C10orf62: variants seen among roughly 807,000 people sequenced by gnomAD.
C10orf62 encodes uncharacterized protein C10orf62.
For missense variants in C10orf62, 279 were observed against 281.9 expected (o/e 0.99, Z 0.07); for synonymous variants, 94 against 109.7 (o/e 0.86, Z 0.89).
In C10orf62 at chr10:97,590,815, A is replaced by G; in HGVS notation, c.*246A>G. On this transcript the variant is annotated 3_prime_UTR_variant, in exon 1 of 1. Coordinates refer to ENST00000370640, the MANE Select transcript of C10orf62 (RefSeq NM_001009997.3). ...AGGGAGAGCTGGGAGGACACAGCGC[A>G]GGTGAGATAGACCCTGAGGCCCCTG... 1 of 587,112 alleles carries G rather than the reference A, an allele frequency of 1.7e-6. No homozygotes were observed. The highest frequency in any genetic ancestry group is 3.1e-6 in the Non-Finnish European group (1 of 322,440). The allele number at this position is 587,112 out of a possible 1,614,324, so 36.4% of individuals were successfully genotyped here.
At position 97,589,794 on chromosome 10, in the gene C10orf62, T is replaced by C; in HGVS notation, c.-104T>C. 1 of 836,708 alleles carries C rather than the reference T, an allele frequency of 1.2e-6. No homozygotes were observed. The highest frequency in any genetic ancestry group is 2.4e-5 in the East Asian group (1 of 41,126). The allele number at this position is 836,708 out of a possible 1,614,324, so 51.8% of individuals were successfully genotyped here. A position where few individuals can be genotyped will look rare whatever the true frequency, so the allele number is the denominator to read the frequency against. ...AGATCACCCAGCGTGCTCTTAGCTC[T>C]GCCTGCCTGGTGTAGGGTCCTGGAG... On this transcript the variant is annotated 5_prime_UTR_variant, in exon 1 of 1. Coordinates refer to ENST00000370640, the MANE Select transcript of C10orf62 (RefSeq NM_001009997.3).
rs757009497 is a variant in C10orf62 at position 97,590,443 on chromosome 10, C to T, written c.546C>T (p.Phe182=). ...TAGAGATGAAGCTGCAAAAGAATTT[C>T]CTCACCCAGCGGGAAAACACCATAG... The part of the protein sequence containing the change: ...EEVEMKLQKN[F]LTQRENTIAG... Residue 182 remains phenylalanine (F), a synonymous_variant, in exon 1 of 1, where the codon TTC becomes TTT. Coordinates refer to ENST00000370640, the MANE Select transcript of C10orf62 (RefSeq NM_001009997.3). 6.2e-7 allele frequency: 1 copy of T among 1,613,978 alleles called. No homozygotes were observed. The highest frequency in any genetic ancestry group is 8.5e-7 in the Non-Finnish European group (1 of 1,180,038).
At position 97,590,381 on chromosome 10, in the gene C10orf62, G is replaced by T. The variant is rs774441181; in HGVS notation, c.484G>T (p.Asp162Tyr). 1 of 1,614,070 alleles carries T rather than the reference G, an allele frequency of 6.2e-7. No individual in the cohort carries two copies. Among genetic ancestry groups the T allele is most frequent in the Admixed American group, 1.7e-5 (1 of 60,018 alleles). ...YQHSGHLESKDINQEELRALE... is the reference protein window; with the variant it reads ...YQHSGHLESKYINQEELRALE... ...GCACTCAGGTCACCTAGAGTCCAAG[G>T]ACATCAACCAGGAGGAGCTGAGGGC... Residue 162 changes from aspartate to tyrosine, a missense_variant, in exon 1 of 1, where the codon GAC (aspartate) becomes TAC (tyrosine). By Grantham distance (160) the Asp-to-Tyr change is radical. Transcript: ENST00000370640.
chr10:97,590,274 C>T lies in C10orf62; in HGVS notation c.377C>T (p.Ala126Val). 1 of 1,613,742 alleles carries T rather than the reference C, an allele frequency of 6.2e-7. No individual in the cohort carries two copies. Among genetic ancestry groups the T allele is most frequent in the South Asian group, 1.1e-5 (1 of 91,084 alleles). The part of the protein sequence containing the change: ...APSTDEATWA[A>V]VAACTKEIDT... ...TCCACTGATGAGGCCACGTGGGCCGCTGTGGCTGCCTGCACCAAGGAGATT... is the reference window on the plus strand; with the variant it reads ...TCCACTGATGAGGCCACGTGGGCCGTTGTGGCTGCCTGCACCAAGGAGATT... Residue 126 changes from alanine (A) to valine (V), a missense_variant, in exon 1 of 1, where the codon GCT becomes GTT. Physicochemically the swap from Ala to Val is moderately conservative, Grantham distance 64. Transcript: ENST00000370640.
Position 97,590,770 on chromosome 10 carries a change from C to T in C10orf62, c.*201C>T. On this transcript the variant is annotated 3_prime_UTR_variant, in exon 1 of 1. Coordinates refer to ENST00000370640, the MANE Select transcript of C10orf62 (RefSeq NM_001009997.3). ...TAAACTCCATGAGTGGGGTCTGCCA[C>T]AGAAGATGGCCCCTGTTGGAGGGAG... The T allele has an allele frequency of 1.6e-6, 1 of 621,080 alleles. No homozygotes were observed. The highest frequency in any genetic ancestry group is 2.9e-6 in the Non-Finnish European group (1 of 345,204). The allele number at this position is 621,080 out of a possible 1,614,324, so 38.5% of individuals were successfully genotyped here. A position where few individuals can be genotyped will look rare whatever the true frequency, so the allele number is the denominator to read the frequency against.
Position 97,590,693 on chromosome 10 carries a change from C to T in C10orf62, c.*124C>T, listed in dbSNP as rs2041014925. On this transcript the variant is annotated 3_prime_UTR_variant, in exon 1 of 1. Transcript: ENST00000370640. Reference sequence around the variant, plus strand: ...CATCTATGCAGGCCAGGGTGAGATGCTGTGCCCAAATCCCTACTTTCTTAG... The same window carrying T: ...CATCTATGCAGGCCAGGGTGAGATGTTGTGCCCAAATCCCTACTTTCTTAG... The T allele has an allele frequency of 1.2e-5, 11 of 905,386 alleles. No individual in the cohort carries two copies. The highest frequency in any genetic ancestry group is 1.9e-5 in the Non-Finnish European group (11 of 589,152). The allele number at this position is 905,386 out of a possible 1,614,324, so 56.1% of individuals were successfully genotyped here.
chr10:97,590,469 C>T lies in C10orf62; in HGVS notation c.572C>T (p.Ala191Val). 2 of 1,613,676 alleles carry T rather than the reference C, an allele frequency of 1.2e-6. No individual in the cohort carries two copies. The highest frequency in any genetic ancestry group is 2.2e-5 in the South Asian group (2 of 91,062). The change falls in exon 1 of 1, where the codon GCT becomes GTT. Residue 191 changes from alanine to valine, a missense_variant. By Grantham distance (64) the Ala-to-Val change is moderately conservative. Coordinates refer to ENST00000370640, the MANE Select transcript of C10orf62 (RefSeq NM_001009997.3). ...CTCACCCAGCGGGAAAACACCATAG[C>T]TGGTGCCAATCACACACACACCTTC... ...NFLTQRENTIAGANHTHTFYG... is the reference protein window; with the variant it reads ...NFLTQRENTIVGANHTHTFYG...
chr10:97,590,809 C>G lies in C10orf62; in HGVS notation c.*240C>G, dbSNP rs558559332. The G allele has an allele frequency of 8.4e-6, 5 of 598,450 alleles. No individual in the cohort carries two copies. Among genetic ancestry groups the G allele is most frequent in the African/African-American group, 1.9e-5 (1 of 53,568 alleles). The allele number at this position is 598,450 out of a possible 1,614,324, so 37.1% of individuals were successfully genotyped here. On this transcript the variant is annotated 3_prime_UTR_variant, in exon 1 of 1. Coordinates refer to ENST00000370640, the MANE Select transcript of C10orf62 (RefSeq NM_001009997.3). ...TGTTGGAGGGAGAGCTGGGAGGACA[C>G]AGCGCAGGTGAGATAGACCCTGAGG...
In C10orf62 at chr10:97,590,500, CCA is replaced by C; in HGVS notation, c.606_607del (p.His202GlnfsTer18). On this transcript the variant is annotated frameshift_variant, in exon 1 of 1. Coordinates refer to ENST00000370640, the MANE Select transcript of C10orf62 (RefSeq NM_001009997.3). LOFTEE classifies it low-confidence loss of function (END_TRUNC). ...CCAATCACACACACACCTTCTATGG[CCA>C]CAGTCACCACAGTCACCATGGCCAC... ...GANHTHTFYG[H>X]SHHSHHGHPS... 6.2e-7 allele frequency: 1 copy of C among 1,612,480 alleles called. No individual in the cohort carries two copies. Among genetic ancestry groups the C allele is most frequent in the Non-Finnish European group, 8.5e-7 (1 of 1,179,724 alleles).
chr10:97,590,385 T>C lies in C10orf62; in HGVS notation c.488T>C (p.Ile163Thr). Residue 163 changes from isoleucine to threonine, a missense_variant, in exon 1 of 1, where the codon ATC becomes ACC. Transcript: ENST00000370640. ...QHSGHLESKD[I>T]NQEELRALEE... Reference sequence around the variant, plus strand: ...TCAGGTCACCTAGAGTCCAAGGACATCAACCAGGAGGAGCTGAGGGCCCTC... The same window carrying C: ...TCAGGTCACCTAGAGTCCAAGGACACCAACCAGGAGGAGCTGAGGGCCCTC... 6.2e-7 allele frequency: 1 copy of C among 1,614,048 alleles called. No homozygotes were observed. Among genetic ancestry groups the C allele is most frequent in the Middle Eastern group, 1.7e-4 (1 of 6,056 alleles).
In C10orf62 at chr10:97,590,365, T is replaced by C. The variant is rs759164296; in HGVS notation, c.468T>C (p.Gly156=). 6.2e-7 allele frequency: 1 copy of C among 1,613,966 alleles called. No individual in the cohort carries two copies. Among genetic ancestry groups the C allele is most frequent in the Non-Finnish European group, 8.5e-7 (1 of 1,179,994 alleles). Residue 156 remains glycine, a synonymous_variant, in exon 1 of 1, where the codon GGT becomes GGC. Transcript: ENST00000370640. ...GGGCCATAGCTTACCAGCACTCAGG[T>C]CACCTAGAGTCCAAGGACATCAACC... ...LQRAIAYQHS[G]HLESKDINQE...
chr10:97,590,106 G>C lies in C10orf62; in HGVS notation c.209G>C (p.Ser70Thr). 6.2e-7 allele frequency: 1 copy of C among 1,614,146 alleles called. No individual in the cohort carries two copies. Among genetic ancestry groups the C allele is most frequent in the African/African-American group, 1.3e-5 (1 of 75,036 alleles). The change falls in exon 1 of 1, where the codon AGC (serine) becomes ACC (threonine). Residue 70 changes from serine (S) to threonine (T), a missense_variant. Transcript: ENST00000370640. ...ACTGAGAGTGGGAGTGAAGAGGTCAGCTCCACGGTTCACATAGAGACCTTC... is the reference window on the plus strand; with the variant it reads ...ACTGAGAGTGGGAGTGAAGAGGTCACCTCCACGGTTCACATAGAGACCTTC... ...TQTESGSEEVSSTVHIETFTT... is the reference protein window; with the variant it reads ...TQTESGSEEVTSTVHIETFTT...
Position 97,590,297 on chromosome 10 carries a change from A to T in C10orf62, c.400A>T (p.Ile134Phe). 1 of 1,613,762 alleles carries T rather than the reference A, an allele frequency of 6.2e-7. No individual in the cohort carries two copies. The highest frequency in any genetic ancestry group is 1.6e-4 in the Middle Eastern group (1 of 6,062). ...WAAVAACTKE[I>F]DTQGRHLAHS... ...CGCTGTGGCTGCCTGCACCAAGGAGATTGACACCCAGGGGCGGCACCTGGC... is the reference window on the plus strand; with the variant it reads ...CGCTGTGGCTGCCTGCACCAAGGAGTTTGACACCCAGGGGCGGCACCTGGC... Residue 134 changes from isoleucine (I) to phenylalanine (F), a missense_variant, in exon 1 of 1, where the codon ATT becomes TTT. Ile to Phe is a conservative substitution (Grantham distance 21, BLOSUM62 0). Transcript: ENST00000370640.
At position 97,590,471 on chromosome 10, in the gene C10orf62, G is replaced by A. The variant is rs1447679853; in HGVS notation, c.574G>A (p.Gly192Ser). The change falls in exon 1 of 1, where the codon GGT (glycine) becomes AGT (serine). Residue 192 changes from glycine to serine, a missense_variant. Gly to Ser is a moderately conservative substitution (Grantham distance 56). Transcript: ENST00000370640. The part of the protein sequence containing the change: ...FLTQRENTIA[G>S]ANHTHTFYGH... The stretch of plus-strand genomic sequence containing the variant: ...CACCCAGCGGGAAAACACCATAGCT[G>A]GTGCCAATCACACACACACCTTCTA... 9.9e-6 allele frequency: 16 copies of A among 1,613,520 alleles called. No homozygotes were observed. In the South Asian group the frequency reaches 1.6e-4, roughly 17 times the overall value.
rs745631733 is a variant in C10orf62, at chr10:97,590,546, A to T, written c.649A>T (p.Ser217Cys). 1 of 1,612,050 alleles carries T rather than the reference A, an allele frequency of 6.2e-7. No homozygotes were observed. Among genetic ancestry groups the T allele is most frequent in the Non-Finnish European group, 8.5e-7 (1 of 1,179,812 alleles). The change falls in exon 1 of 1, where the codon AGC becomes TGC. Residue 217 changes from serine to cysteine, a missense_variant. Coordinates refer to ENST00000370640, the MANE Select transcript of C10orf62 (RefSeq NM_001009997.3). ...HHGHPSHQSH[S>C]LPNRRH ...TGGCCACCCAAGCCACCAGAGCCAC[A>T]GCCTGCCTAATCGCAGACACTAGAT...
In C10orf62 at chr10:97,590,276, G is replaced by C. The variant is rs781135280; in HGVS notation, c.379G>C (p.Val127Leu). Reference protein sequence around the residue: ...PSTDEATWAAVAACTKEIDTQ... With the variant: ...PSTDEATWAALAACTKEIDTQ... ...CACTGATGAGGCCACGTGGGCCGCTGTGGCTGCCTGCACCAAGGAGATTGA... is the reference window on the plus strand; with the variant it reads ...CACTGATGAGGCCACGTGGGCCGCTCTGGCTGCCTGCACCAAGGAGATTGA... The change falls in exon 1 of 1, where the codon GTG (valine) becomes CTG (leucine). Residue 127 changes from valine (V) to leucine (L), a missense_variant. Physicochemically the swap from Val to Leu is conservative, Grantham distance 32 (BLOSUM62 1). Transcript: ENST00000370640. 6.2e-7 allele frequency: 1 copy of C among 1,613,780 alleles called. No individual in the cohort carries two copies. The highest frequency in any genetic ancestry group is 8.5e-7 in the Non-Finnish European group (1 of 1,180,016).
chr10:97,590,434 A>G lies in C10orf62; in HGVS notation c.537A>G (p.Gln179=). The change falls in exon 1 of 1, where the codon CAA becomes CAG. Residue 179 remains glutamine, a synonymous_variant. Transcript: ENST00000370640. ...TCGAGGAGGTAGAGATGAAGCTGCA[A>G]AAGAATTTCCTCACCCAGCGGGAAA... The part of the protein sequence containing the change: ...RALEEVEMKL[Q]KNFLTQRENT... The G allele has an allele frequency of 3.1e-6, 5 of 1,614,072 alleles. No individual in the cohort carries two copies. Among genetic ancestry groups the G allele is most frequent in the Middle Eastern group, 1.7e-4 (1 of 5,982 alleles).
At position 97,590,074 on chromosome 10, in the gene C10orf62, T is replaced by G. The variant is rs1025401328; in HGVS notation, c.177T>G (p.Ala59=). ...ACAATGCCAGCGCTAGTGGCAATGC[T>G]ACCCAGACTGAGAGTGGGAGTGAAG... ...LDNNASASGN[A]TQTESGSEEV... is the part of the protein sequence containing the mutation. Residue 59 remains alanine, a synonymous_variant, in exon 1 of 1, where the codon GCT becomes GCG. Coordinates refer to ENST00000370640, the MANE Select transcript of C10orf62 (RefSeq NM_001009997.3). 6.2e-7 allele frequency: 1 copy of G among 1,614,134 alleles called. No individual in the cohort carries two copies. Among genetic ancestry groups the G allele is most frequent in the Non-Finnish European group, 8.5e-7 (1 of 1,180,020 alleles).
Position 97,590,600 on chromosome 10 carries a change from T to A in C10orf62, c.*31T>A. The A allele has an allele frequency of 6.3e-7, 1 of 1,596,658 alleles. No homozygotes were observed. Among genetic ancestry groups the A allele is most frequent in the Non-Finnish European group, 8.5e-7 (1 of 1,169,830 alleles). On this transcript the variant is annotated 3_prime_UTR_variant, in exon 1 of 1. Coordinates refer to ENST00000370640, the MANE Select transcript of C10orf62 (RefSeq NM_001009997.3). Reference sequence around the variant, plus strand: ...TGACTTCTTGGAAGCCACCTAACCATGGATGGAGACGCCCCTGCCCCCAGC... The same window carrying A: ...TGACTTCTTGGAAGCCACCTAACCAAGGATGGAGACGCCCCTGCCCCCAGC...
Sources: allele counts gnomAD v4.1 joint callset, GRCh38; gene constraint gnomAD v4.1.1; transcripts MANE v1.5; gene names NCBI Gene and HGNC (gene_info 2026-07-23, HGNC 2026-07-21).